SPEN: variants seen among roughly 807,000 people sequenced by gnomAD.
SPEN encodes spen family transcriptional repressor, also known as msx2-interacting protein.
In SPEN, 18 loss-of-function variants were observed where a neutral mutation model predicts 269.9. The observed-to-expected ratio is 0.07, with a 90% CI of 0.05 to 0.10. The LOEUF is 0.10. Among genes scored for constraint, SPEN ranks in the 10% least tolerant of loss-of-function variants. The pLI is 1.00. For missense variants in SPEN, 3,822 were observed against 4,631.2 expected (o/e 0.83, Z 5.07); for synonymous variants, 1,726 against 1,765.7 (o/e 0.98, Z 0.56).
Position 15,928,961 on chromosome 1 carries a change from T to C in SPEN, c.2721T>C (p.Thr907=), listed in dbSNP as rs372038713. ...TGAAAGCCAAGCTTGATAATGACAC[T>C]GTCAAATCTTCTGCCCTGGACCAGA... ...EKLKAKLDND[T]VKSSALDQKL... Residue 907 remains threonine, a synonymous_variant, in exon 11 of 15, where the codon ACT becomes ACC. Transcript: ENST00000375759. The surrounding 1 kb of genome is among the most constrained non-coding windows in gnomAD (Gnocchi z 5.7). The C allele has an allele frequency of 2.2e-5, 36 of 1,614,114 alleles. No homozygotes were observed. Among genetic ancestry groups the C allele is most frequent in the Middle Eastern group, 1.6e-4 (1 of 6,084 alleles).
rs1416835470 is a variant in SPEN, at chr1:15,873,049, G to T, written c.317G>T (p.Gly106Val). Residue 106 changes from glycine (G) to valine (V), a missense_variant, in exon 2 of 15, where the codon GGG becomes GTG. Gly to Val is a moderately radical substitution (Grantham distance 109). Around this residue, in one of 16 missense-constraint regions of SPEN, gnomAD observed 327 missense variants for 350.8 expected, o/e 0.93. Transcript: ENST00000375759. ...SIASRSREVS[G>V]FRGGGGGPAY... The stretch of plus-strand genomic sequence containing the variant: ...GCATCTCGTAGTAGAGAGGTTTCTG[G>T]GTTCAGAGGAGGTGGTGGAGGGCCT... The T allele has an allele frequency of 3.7e-6, 6 of 1,614,168 alleles. No individual in the cohort carries two copies. The South Asian group carries it at 6.6e-5, about 18-fold the overall frequency.
chr1:15,928,954 A>C lies in SPEN; in HGVS notation c.2714A>C (p.Asn905Thr). 6.2e-7 allele frequency: 1 copy of C among 1,614,268 alleles called. No homozygotes were observed. Among genetic ancestry groups the C allele is most frequent in the Non-Finnish European group, 8.5e-7 (1 of 1,180,058 alleles). The change falls in exon 11 of 15, where the codon AAT becomes ACT. Residue 905 changes from asparagine to threonine, a missense_variant. Physicochemically the swap from Asn to Thr is moderately conservative, Grantham distance 65. Coordinates refer to ENST00000375759, the MANE Select transcript of SPEN (RefSeq NM_015001.3). This position sits in a 1 kb window ranked among gnomAD's most constrained non-coding sequence, Gnocchi z 5.7. ...PVEKLKAKLD[N>T]DTVKSSALDQ... Reference sequence around the variant, plus strand: ...GAAAAGTTGAAAGCCAAGCTTGATAATGACACTGTCAAATCTTCTGCCCTG... The same window carrying C: ...GAAAAGTTGAAAGCCAAGCTTGATACTGACACTGTCAAATCTTCTGCCCTG...
At chr1:15,891,688 C>T (rs1292786883) in intron 3 of SPEN, among the ~76,000 whole-genome samples, 3 of 151,988 alleles carry the variant, frequency 2.0e-5, no homozygotes, top group Non-Finnish European at 4.4e-5. Flanking sequence ...TAGGGTCTCG[C>T]TATGTTGCCC....
chr1:15,919,155 AAGAC>A (rs2148733045), intron 7 of SPEN, 104 bp downstream of exon 7: 2 of 979,728 alleles, frequency 2.0e-6, no homozygotes, highest in Non-Finnish European at 1.5e-6. Flanking sequence ...AGATCCTACT[AAGAC>A]AGATAACCAT....
chr1:15,882,242 A>G (rs1321815692), intron 3 of SPEN, among the ~76,000 whole-genome samples: 2 of 152,122 alleles, frequency 1.3e-5, no homozygotes, highest in Non-Finnish European at 2.9e-5. Context: ...TTTCCTTTCA[A>G]CAGAACATTT....
At position 15,876,429 on chromosome 1, in the gene SPEN, T is replaced by C; in HGVS notation, c.632T>C (p.Leu211Pro). 1 of 1,614,038 alleles carries C rather than the reference T, an allele frequency of 6.2e-7. No individual in the cohort carries two copies. Among genetic ancestry groups the C allele is most frequent in the South Asian group, 1.1e-5 (1 of 91,062 alleles). ...YEPRAREQFT[L>P]PSVVHRDIYR... ...CCTAGGGCTCGCGAGCAGTTTACACTGCCCAGTGTGGTACACAGGGATATC... is the reference window on the plus strand; with the variant it reads ...CCTAGGGCTCGCGAGCAGTTTACACCGCCCAGTGTGGTACACAGGGATATC... Residue 211 changes from leucine to proline, a missense_variant, in exon 3 of 15, where the codon CTG becomes CCG. By Grantham distance (98) the Leu-to-Pro change is moderately conservative. Transcript: ENST00000375759.
intron 10 of SPEN, among the ~76,000 whole-genome samples, chr1:15,923,564 C>T (rs761072475): frequency 2.0e-5 from 3 of 152,132 alleles, no homozygotes; most frequent in South Asian, 2.1e-4. Flanking sequence ...AATGCATTCC[C>T]TTTCTACTGC....
intron 3 of SPEN, among the ~76,000 whole-genome samples, chr1:15,896,109 A>G (rs1458957251): frequency 6.7e-6 from 1 of 149,652 alleles, no homozygotes; most frequent in Non-Finnish European, 1.5e-5. Context: ...TTTTCCTCTC[A>G]TTTATGTAAA....
intron 8 of SPEN, 106 bp downstream of exon 8, chr1:15,919,623 A>G: frequency 1.6e-6 from 1 of 627,890 alleles, no homozygotes; most frequent in Non-Finnish European, 2.7e-6. Flanking sequence ...TTTAATAACG[A>G]GCACATTAAA....
At chr1:15,874,952 T>G (rs906187702) in intron 2 of SPEN, among the ~76,000 whole-genome samples, 1 of 152,148 alleles carries the variant, frequency 6.6e-6, no homozygotes, top group Non-Finnish European at 1.5e-5. Context: ...AATCTAAGCA[T>G]GTACTGGGGA....
chr1:15,934,680 G>T lies in SPEN; in HGVS notation c.8440G>T (p.Val2814Phe). 1.2e-6 allele frequency: 2 copies of T among 1,614,182 alleles called. No individual in the cohort carries two copies. Among genetic ancestry groups the T allele is most frequent in the Admixed American group, 3.3e-5 (2 of 60,020 alleles). Residue 2814 changes from valine (V) to phenylalanine (F), a missense_variant, in exon 11 of 15, where the codon GTT becomes TTT. Around this residue, in one of 16 missense-constraint regions of SPEN, gnomAD observed 329 missense variants for 431.2 expected, o/e 0.76. Coordinates refer to ENST00000375759, the MANE Select transcript of SPEN (RefSeq NM_015001.3). The surrounding 1 kb of genome is among the most constrained non-coding windows in gnomAD (Gnocchi z 9.2). ...AGLRVNTSEG[V>F]VLLSYSGQKT... ...GCTGCGTGTGAACACTTCTGAAGGG[G>T]TTGTGCTCCTGAGTTACTCAGGGCA...
chr1:15,888,945 T>C (rs1025562881), intron 3 of SPEN, among the ~76,000 whole-genome samples: 3 of 152,118 alleles, frequency 2.0e-5, no homozygotes, highest in East Asian at 1.9e-4. Context: ...TTTTTACTTA[T>C]GGTAAAACTT....
rs2071067601 is a variant in SPEN, at chr1:15,916,399, T to C, written c.1395+120T>C. On this transcript the variant is annotated intron_variant, in intron 6 of 14. Transcript: ENST00000375759. ...GTAATGAATGAACATTGTTGTGTGC[T>C]TTTAGCTCTTGCTAAAAGATAATCC... is the stretch of plus-strand genomic sequence containing the variant. The C allele has an allele frequency of 9.4e-6, 10 of 1,065,728 alleles. No individual in the cohort carries two copies. In the South Asian group the frequency reaches 1.4e-4, roughly 15 times the overall value. The allele number at this position is 1,065,728 out of a possible 1,614,324, so 66.0% of individuals were successfully genotyped here.
At chr1:15,936,734 C>G (rs955966734) in intron 11 of SPEN, among the ~76,000 whole-genome samples, 2 of 152,094 alleles carry the variant, frequency 1.3e-5, no homozygotes, top group African/African-American at 4.8e-5. Context: ...GTCAGGAGTT[C>G]AAGACCAGCT....
In SPEN at chr1:15,938,810, C is replaced by G. The variant is rs2071306224; in HGVS notation, c.10797C>G (p.Phe3599Leu). ...AGACCGAGTCCCTCAAGGCTGCCTT[C>G]ATCACTTACCTGCAGGCCAAGCAGG... The part of the protein sequence containing the change: ...VSQTESLKAA[F>L]ITYLQAKQAA... Residue 3599 changes from phenylalanine (F) to leucine (L), a missense_variant, in exon 14 of 15, where the codon TTC becomes TTG. This residue lies in a region of SPEN where 103 missense variants were observed against 215.8 expected (regional missense o/e 0.48). Coordinates refer to ENST00000375759, the MANE Select transcript of SPEN (RefSeq NM_015001.3). 1 of 1,614,102 alleles carries G rather than the reference C, an allele frequency of 6.2e-7. No homozygotes were observed. The highest frequency in any genetic ancestry group is 1.7e-5 in the Admixed American group (1 of 60,024).
chr1:15,910,467 C>T (rs893547788), intron 4 of SPEN, among the ~76,000 whole-genome samples: 1 of 152,030 alleles, frequency 6.6e-6, no homozygotes, highest in African/African-American at 2.4e-5. Flanking sequence ...GTCTTTAACA[C>T]TTTATAAACA....
intron 1 of SPEN, among the ~76,000 whole-genome samples, chr1:15,864,046 A>C (rs548767423): frequency 6.6e-6 from 1 of 152,332 alleles, no homozygotes; most frequent in African/African-American, 2.4e-5. Context: ...ATTTGAAGAC[A>C]CTATGTAAGT....
At chr1:15,905,560 T>C (rs2070947621) in intron 3 of SPEN, among the ~76,000 whole-genome samples, 1 of 151,450 alleles carries the variant, frequency 6.6e-6, no homozygotes, top group Non-Finnish European at 1.5e-5. Context: ...AACTTTTTGT[T>C]GCCTTATTAA....
intron 1 of SPEN, among the ~76,000 whole-genome samples, chr1:15,869,214 A>G (rs1469670510): frequency 6.6e-6 from 1 of 151,546 alleles, no homozygotes; most frequent in Non-Finnish European, 1.5e-5. Flanking sequence ...GCACCACCAC[A>G]CTCGGCTAAT....
Sources: gnomAD v4.1 joint callset for allele counts (sites outside exome capture counted in the v4.1 genomes callset) on GRCh38, gnomAD v4.1.1 for gene constraint, gnomAD v4.1.1 regional missense constraint, Gnocchi (gnomAD v3.1) non-coding constraint, MANE v1.5 for transcripts, NCBI Gene and HGNC (gene_info 2026-07-23, HGNC 2026-07-21) for gene names.